Variants in CDYL observed in about 807,000 individuals in gnomAD.
The protein encoded by CDYL is chromodomain Y like, also known as chromodomain Y-like protein.
CDYL carries 8 observed loss-of-function variants against 47.3 expected under a neutral mutation model. The observed-to-expected ratio is 0.17, with a 90% confidence interval of 0.10 to 0.31. CDYL has a LOEUF of 0.31. CDYL is among the 10% of genes least tolerant of loss of function. The pLI is 1.00. For missense variants in CDYL, 471 were observed against 701.4 expected, an observed-to-expected ratio of 0.67 and a Z score of 3.71; for synonymous variants, 266 against 265.0, an observed-to-expected ratio of 1.00 and a Z score of -0.04.
At chr6:4,706,611 C>G (rs187261936) in intron 1 of CDYL, among the ~76,000 whole-genome samples, 202 of 151,720 alleles carry the variant, frequency 1.3e-3, no homozygotes, top group Non-Finnish European at 1.6e-3. Flanking sequence ...ATGGTAAAAC[C>G]CCGTCTCTAC....
intron 5 of CDYL, among the ~76,000 whole-genome samples, chr6:4,949,548 T>C (rs1351245765): frequency 6.6e-6 from 1 of 152,200 alleles, no homozygotes; most frequent in African/African-American, 2.4e-5. Flanking sequence ...TAACTTTCTT[T>C]TAATAGTTGG....
At chr6:4,828,230 A>G (rs1411330439) in intron 1 of CDYL, among the ~76,000 whole-genome samples, 6 of 128,822 alleles carry the variant, frequency 4.7e-5, no homozygotes, top group African/African-American at 1.4e-4. Context: ...GACTTTTAAC[A>G]GGTTTTTTTT....
At chr6:4,833,515 G>A (rs1760207263) in intron 1 of CDYL, among the ~76,000 whole-genome samples, 1 of 149,530 alleles carries the variant, frequency 6.7e-6, no homozygotes, top group Admixed American at 6.6e-5. Context: ...TTTTGGAATA[G>A]GTGTGGTGTG....
At chr6:4,714,401 T>C (rs375734985) in intron 1 of CDYL, 1 of 152,076 alleles carries the variant, frequency 6.6e-6, no homozygotes, top group Non-Finnish European at 1.5e-5. Flanking sequence ...CAAACAAGAA[T>C]GATTCTAGAT....
At chr6:4,706,392 AGAG>A (rs1297853638) in intron 1 of CDYL, 1 of 152,002 alleles carries the variant, frequency 6.6e-6, no homozygotes, top group Admixed American at 6.6e-5. Flanking sequence ...ATTTGAACAA[AGAG>A]CTCTGGGTTC....
At chr6:4,920,490 C>G (rs371611961) in intron 2 of CDYL, among the ~76,000 whole-genome samples, 1 of 152,192 alleles carries the variant, frequency 6.6e-6, no homozygotes, top group East Asian at 1.9e-4. Context: ...GCCAAGCCTC[C>G]GGCGGGTCAT....
At chr6:4,903,005 A>G (rs1248863871) in intron 2 of CDYL, among the ~76,000 whole-genome samples, 1 of 152,212 alleles carries the variant, frequency 6.6e-6, no homozygotes, top group Non-Finnish European at 1.5e-5. Context: ...TTGTTTACAC[A>G]CATTAGGGGC....
chr6:4,820,607 G>A (rs1759806892), intron 1 of CDYL, among the ~76,000 whole-genome samples: 1 of 152,190 alleles, frequency 6.6e-6, no homozygotes, highest in African/African-American at 2.4e-5. Context: ...ACTAGTGGAT[G>A]TTATGTTCTC....
chr6:4,841,048 T>C (rs1319832311), intron 1 of CDYL, among the ~76,000 whole-genome samples: 1 of 152,192 alleles, frequency 6.6e-6, no homozygotes, highest in African/African-American at 2.4e-5. Flanking sequence ...TCCTGGACTT[T>C]TTTTTGTTGG....
chr6:4,900,407 A>T (rs1186945523), intron 2 of CDYL, among the ~76,000 whole-genome samples: 1 of 152,048 alleles, frequency 6.6e-6, no homozygotes, highest in Non-Finnish European at 1.5e-5. Flanking sequence ...TGCCTCATTT[A>T]CTTTCCCTCT....
intron 3 of CDYL, among the ~76,000 whole-genome samples, chr6:4,765,800 G>A (rs1195917570): frequency 1.3e-5 from 2 of 152,252 alleles, no homozygotes; most frequent in East Asian, 3.9e-4. Flanking sequence ...CTGACCTCGG[G>A]TGATCCACCC....
At chr6:4,723,848 A>G (rs541250503) in intron 2 of CDYL, among the ~76,000 whole-genome samples, 3 of 152,360 alleles carry the variant, frequency 2.0e-5, no homozygotes, top group Admixed American at 2.0e-4. Flanking sequence ...CTAGTGCCAA[A>G]AACTGAGTGT....
chr6:4,805,268 C>T (rs560475440), intron 1 of CDYL, among the ~76,000 whole-genome samples: 23 of 152,234 alleles, frequency 1.5e-4, no homozygotes, highest in African/African-American at 5.3e-4. Context: ...AGTAGTGAAA[C>T]TCTATTCTGC....
chr6:4,788,751 G>T (rs769632137), intron 1 of CDYL, among the ~76,000 whole-genome samples: 3 of 151,720 alleles, frequency 2.0e-5, no homozygotes, highest in African/African-American at 4.8e-5. Flanking sequence ...GGCAGCAGAA[G>T]TGTGTAATTC....
chr6:4,919,906 C>A (rs1351355818), intron 2 of CDYL, among the ~76,000 whole-genome samples: 1 of 150,742 alleles, frequency 6.6e-6, no homozygotes, highest in Admixed American at 6.6e-5. Context: ...AATCTTTGTA[C>A]CCCTATGTTA....
chr6:4,756,573 C>CGTGTGTGTGTGTGTGT (rs1228739911), intron 3 of CDYL, among the ~76,000 whole-genome samples: 7 of 125,280 alleles, frequency 5.6e-5, no homozygotes, highest in African/African-American at 2.8e-4. Context: ...TTAAAATTAT[C>CGTGTGTGTGTGTGTGT]GTGTGTATGT....
At chr6:4,917,928 A>T (rs1488867692) in intron 2 of CDYL, among the ~76,000 whole-genome samples, 1 of 152,236 alleles carries the variant, frequency 6.6e-6, no homozygotes, top group Non-Finnish European at 1.5e-5. Flanking sequence ...GGATGCAATA[A>T]CTATAGGTTG....
At chr6:4,953,075 GT>G (rs1294622166) in intron 6 of CDYL, among the ~76,000 whole-genome samples, 1 of 149,640 alleles carries the variant, frequency 6.7e-6, no homozygotes, top group Non-Finnish European at 1.5e-5. Flanking sequence ...GGCCTCCTAA[GT>G]TTTTGTTTAA....
At chr6:4,882,723 C>T (rs1392256853) in intron 1 of CDYL, among the ~76,000 whole-genome samples, 3 of 152,164 alleles carry the variant, frequency 2.0e-5, no homozygotes, top group African/African-American at 4.8e-5. Context: ...GTAGTGGACC[C>T]TGGCAGCTTT....
Sources: allele counts gnomAD v4.1 joint callset (sites outside exome capture counted in the v4.1 genomes callset), GRCh38; gene constraint gnomAD v4.1.1; transcripts MANE v1.5; gene names NCBI Gene and HGNC (gene_info 2026-07-23, HGNC 2026-07-21).